Variants in ACSM3 observed in about 807,000 individuals in gnomAD.
The protein encoded by ACSM3 is acyl-coenzyme A synthetase ACSM3, mitochondrial.
A neutral mutation model predicts 74.1 loss-of-function variants in ACSM3; 61 were observed. The observed-to-expected ratio is 0.82, with a 90% CI of 0.67 to 1.02. The LOEUF (loss-of-function observed/expected upper bound fraction) is 1.02, where lower values mean the gene tolerates loss of function less well. Among genes scored for constraint, ACSM3 ranks in the 50% least tolerant of loss-of-function variants. The pLI, the probability that ACSM3 is intolerant of heterozygous loss-of-function variation, is 0.00. For synonymous variants in ACSM3, 213 were observed against 241.5 expected, an observed-to-expected ratio of 0.88 and a Z score of 1.09; for missense variants, 660 against 697.0, an observed-to-expected ratio of 0.95 and a Z score of 0.60.
At position 20,752,501 on chromosome 16, in the gene ACSM3, A is replaced by G. The variant is rs754461251; in HGVS notation, c.-96+2498A>G. Among the ~76,000 whole-genome samples the G allele has an allele frequency of 4.3e-4, 66 of 152,234 alleles. 1 individual carries two copies. The highest frequency in any genetic ancestry group is 2.2e-4 in the Non-Finnish European group (15 of 68,036). On this transcript the variant is annotated intron_variant, in intron 2 of 3. Coordinates refer to the ACSM3 transcript ENST00000561584. ...CTCAAAAGCCTGGTCTTGGCTGGGA[A>G]CTACATTTATTTATTAGAGTTTTTC...
chr16:20,680,664 A>T (rs2079424631), intron 1 of ACSM3: 1 of 152,236 alleles, frequency 6.6e-6, no homozygotes, highest in African/African-American at 2.4e-5. Flanking sequence ...TAACCTGCCT[A>T]GGGCAACAGT....
chr16:20,753,462 CAAAAAAA>C (rs36090074), intron 2 of ACSM3, among the ~76,000 whole-genome samples: 1 of 101,616 alleles, frequency 9.8e-6, no homozygotes, highest in South Asian at 3.5e-4. Context: ...AGACTGTCTC[CAAAAAAA>C]AAAAAAAAAA....
chr16:20,730,832 C>T lies in ACSM3; in HGVS notation c.-189-19078C>T, dbSNP rs528878583. On this transcript the variant is annotated intron_variant, in intron 1 of 3. Transcript: ENST00000561584. ...AAAAAACGACCTTATAGAGATAGAT[C>T]AATCTTTCCTGAGAGTTTTTTGTTT... Among the ~76,000 whole-genome samples, 11 of 152,222 alleles carry T rather than the reference C, an allele frequency of 7.2e-5. No individual in the cohort carries two copies. In the East Asian group the frequency reaches 2.1e-3, roughly 29 times the overall value.
Position 20,780,968 on chromosome 16 carries a change from T to G in ACSM3, c.783-6T>G. ...TGTACATCAGGGCTACTCTTTGTTTTCCCAGGTTCTGGCTAGATTTGACAC... is the reference window on the plus strand; with the variant it reads ...TGTACATCAGGGCTACTCTTTGTTTGCCCAGGTTCTGGCTAGATTTGACAC... On this transcript the variant is annotated splice_region_variant and splice_polypyrimidine_tract_variant and intron_variant, in intron 5 of 13. Transcript: ENST00000289416. 1 of 1,614,104 alleles carries G rather than the reference T, an allele frequency of 6.2e-7. No individual in the cohort carries two copies. Among genetic ancestry groups the G allele is most frequent in the East Asian group, 2.2e-5 (1 of 44,888 alleles).
intron 1 of ACSM3, chr16:20,685,478 A>G (rs2079531257): frequency 1.5e-6 from 2 of 1,356,360 alleles, no homozygotes; most frequent in Middle Eastern, 1.8e-4. Flanking sequence ...ATCCACAGCC[A>G]TAGTCACGTT....
chr16:20,710,834 CAGCACTTTGG>C (rs1481781027), intron 1 of ACSM3, among the ~76,000 whole-genome samples: 1 of 152,082 alleles, frequency 6.6e-6, no homozygotes, highest in Non-Finnish European at 1.5e-5. Flanking sequence ...CCTGTAATCC[CAGCACTTTGG>C]GAGGCCTAGG....
Position 20,714,692 on chromosome 16 carries a change from GGA to G in ACSM3, c.-189-35203_-189-35202del, listed in dbSNP as rs142667433. ...GATCAGTGGGTGGGTACCATCGGTT[GGA>G]GAGAGAGAGAGAGACAGTCGATGTT... On this transcript the variant is annotated intron_variant, in intron 1 of 3. Coordinates refer to the ACSM3 transcript ENST00000561584. 4.3e-4 allele frequency among the ~76,000 whole-genome samples: 65 copies of G among 151,558 alleles called. 1 individual carries two copies. Among genetic ancestry groups the G allele is most frequent in the Non-Finnish European group, 2.1e-4 (14 of 67,778 alleles).
intron 4 of ACSM3, 145 bp downstream of exon 4, chr16:20,777,725 C>A (rs1387047033): frequency 1.4e-6 from 1 of 730,432 alleles, no homozygotes; most frequent in Non-Finnish European, 2.2e-6. Context: ...ACTAATAGTG[C>A]TAAACTCTGA....
chr16:20,789,841 T>C (rs1386462383), intron 9 of ACSM3, among the ~76,000 whole-genome samples: 2 of 151,896 alleles, frequency 1.3e-5, no homozygotes, highest in East Asian at 3.9e-4. Flanking sequence ...GCCTGGCTAA[T>C]TTTTCTATTT....
chr16:20,792,378 T>C (rs2080622425), intron 12 of ACSM3, 43 bp downstream of exon 12: 3 of 1,607,166 alleles, frequency 1.9e-6, no homozygotes, highest in Non-Finnish European at 2.6e-6. Context: ...TTGTTGGCAA[T>C]TTAACACATA....
chr16:20,683,403 CAGCTGTG>C (rs2079485582), intron 1 of ACSM3, among the ~76,000 whole-genome samples: 1 of 151,524 alleles, frequency 6.6e-6, no homozygotes, highest in Non-Finnish European at 1.5e-5. Context: ...GCTGGGATTA[CAGCTGTG>C]AGCCACCATG....
intron 1 of ACSM3, among the ~76,000 whole-genome samples, chr16:20,707,931 A>G (rs2079732395): frequency 6.6e-6 from 1 of 152,230 alleles, no homozygotes; most frequent in South Asian, 2.1e-4. Context: ...CAAAATAATT[A>G]TCTTAAAGAA....
chr16:20,741,654 C>T (rs752435216), intron 1 of ACSM3: 2 of 1,583,274 alleles, frequency 1.3e-6, no homozygotes, highest in Non-Finnish European at 8.6e-7. Flanking sequence ...GTCGCAGCGC[C>T]GAGCGCGCTT....
At position 20,767,516 on chromosome 16, in the gene ACSM3, C is replaced by CAAA. The variant is rs772094919; in HGVS notation, c.-51-2441_-51-2439dup. On this transcript the variant is annotated intron_variant, in intron 1 of 13. Coordinates refer to ENST00000289416, the MANE Select transcript of ACSM3 (RefSeq NM_005622.4). ...TGGGCGACAGAGCGAGACTCCGTCT[C>CAAA]AAAAAAAAAAAAAAAAAAAAAAAAA... Among the ~76,000 whole-genome samples, 24 of 4,488 alleles carry CAAA rather than the reference C, an allele frequency of 5.3e-3. 2 individuals carry two copies. The highest frequency in any genetic ancestry group is 0.012 in the East Asian group (4 of 340). The allele number at this position is 4,488 out of a possible 152,430, so 2.9% of individuals were successfully genotyped here.
At chr16:20,723,860 G>C (rs1475801227) in intron 1 of ACSM3, among the ~76,000 whole-genome samples, 1 of 152,128 alleles carries the variant, frequency 6.6e-6, no homozygotes, top group Non-Finnish European at 1.5e-5. Flanking sequence ...GGTTTCTTTT[G>C]CTGTGCAGAA....
chr16:20,781,169 A>G (rs373702963), intron 6 of ACSM3, 39 bp downstream of exon 6: 1 of 1,606,854 alleles, frequency 6.2e-7, no homozygotes, highest in South Asian at 1.1e-5. Flanking sequence ...TTAGAAATGC[A>G]TTAAGCAGTA....
At chr16:20,693,087 T>C (rs771064364) in intron 1 of ACSM3, among the ~76,000 whole-genome samples, 25 of 151,884 alleles carry the variant, frequency 1.6e-4, no homozygotes, top group Non-Finnish European at 3.4e-4. Flanking sequence ...GGAGAATCAC[T>C]TGAACCTGGG....
Position 20,710,658 on chromosome 16 carries a change from G to T in ACSM3, c.-190+35836G>T, listed in dbSNP as rs116524558. On this transcript the variant is annotated intron_variant, in intron 1 of 3. Coordinates refer to the ACSM3 transcript ENST00000561584. ...ACATGCCCAGCCGATAATTTTTTAA[G>T]TTTCTGTTCTCATTTCTTAGTCCCA... Among the ~76,000 whole-genome samples the T allele has an allele frequency of 6.6e-3, 997 of 152,144 alleles. 16 individuals carry two copies. The highest frequency in any genetic ancestry group is 0.023 in the African/African-American group (937 of 41,508).
chr16:20,794,955 T>C (rs1363261536), intron 12 of ACSM3, among the ~76,000 whole-genome samples: 1 of 152,242 alleles, frequency 6.6e-6, no homozygotes, highest in East Asian at 1.9e-4. Context: ...ATCGTCAATA[T>C]GTGAACCAGT....
Sources: gnomAD v4.1 joint callset for allele counts (sites outside exome capture counted in the v4.1 genomes callset) on GRCh38, gnomAD v4.1.1 for gene constraint, MANE v1.5 for transcripts, NCBI Gene and HGNC (gene_info 2026-07-23, HGNC 2026-07-21) for gene names.